CNTN6: variants seen among roughly 807,000 people sequenced by gnomAD.
CNTN6 encodes the protein contactin-6.
CNTN6 carries 137 observed loss-of-function variants against 122.8 expected under a neutral mutation model. That is an observed-to-expected ratio of 1.12 (90% CI 0.97 to 1.29). CNTN6 has a LOEUF of 1.29. CNTN6 is among the 50% of genes most tolerant of loss of function. The probability of loss-of-function intolerance (pLI) is 0.00; values close to 1 mark genes in which losing one functional copy is unlikely to be tolerated. For synonymous variants in CNTN6, 570 were observed against 426.0 expected (o/e 1.34, Z -4.16); for missense variants, 1,634 against 1,223.4 (o/e 1.34, Z -5.01).
chr3:1,192,697 A>G (rs756770959), intron 2 of CNTN6, among the ~76,000 whole-genome samples: 9 of 151,866 alleles, frequency 5.9e-5, no homozygotes, highest in Non-Finnish European at 1.0e-4. Flanking sequence ...AGCAATGACA[A>G]CCACACACAC....
At chr3:1,147,858 CA>C in intron 1 of CNTN6, 68 bp from the exon 2 acceptor site, 1 of 522,254 alleles carries the variant, frequency 1.9e-6, no homozygotes, top group Non-Finnish European at 3.5e-6. Flanking sequence ...TAATATGCAA[CA>C]AAAATATGCT....
At chr3:1,167,583 C>T (rs1377276904) in intron 2 of CNTN6, among the ~76,000 whole-genome samples, 1 of 107,980 alleles carries the variant, frequency 9.3e-6, no homozygotes. Context: ...TTTTAATCTC[C>T]CAGGTGATTA....
At chr3:1,105,693 A>T (rs1443228279) in intron 1 of CNTN6, among the ~76,000 whole-genome samples, 1 of 152,140 alleles carries the variant, frequency 6.6e-6, no homozygotes, top group Non-Finnish European at 1.5e-5. Flanking sequence ...CCCTAATTGC[A>T]CATCTGGTCA....
intron 1 of CNTN6, among the ~76,000 whole-genome samples, chr3:1,128,997 T>A (rs1447202942): frequency 2.6e-5 from 4 of 152,024 alleles, no homozygotes; most frequent in African/African-American, 9.7e-5. Context: ...TTTGCATAAT[T>A]TTTCTTTTTA....
intron 20 of CNTN6, among the ~76,000 whole-genome samples, chr3:1,400,898 T>C (rs1270046621): frequency 6.6e-6 from 1 of 152,132 alleles, no homozygotes; most frequent in Non-Finnish European, 1.5e-5. Flanking sequence ...CAGACTCTGC[T>C]GCAATCTGCC....
intron 11 of CNTN6, among the ~76,000 whole-genome samples, chr3:1,331,994 A>C (rs1702357053): frequency 6.6e-6 from 1 of 151,992 alleles, no homozygotes; most frequent in African/African-American, 2.4e-5. Context: ...ATATCAGCTC[A>C]GCATTGTCTC....
intron 4 of CNTN6, among the ~76,000 whole-genome samples, chr3:1,270,130 A>G (rs994851664): frequency 6.6e-6 from 1 of 152,216 alleles, no homozygotes; most frequent in African/African-American, 2.4e-5. Context: ...TATCATGAAC[A>G]CCATGACTGA....
At chr3:1,291,691 C>G (rs961755035) in intron 5 of CNTN6, among the ~76,000 whole-genome samples, 2 of 152,132 alleles carry the variant, frequency 1.3e-5, no homozygotes, top group African/African-American at 4.8e-5. Flanking sequence ...AATTTACTCT[C>G]TAGATGACTC....
chr3:1,384,257 GATT>G (rs754881521), intron 19 of CNTN6, among the ~76,000 whole-genome samples: 1 of 152,038 alleles, frequency 6.6e-6, no homozygotes, highest in East Asian at 1.9e-4. Flanking sequence ...GTGATCAGGT[GATT>G]ATATGATTAA....
chr3:1,231,294 G>T (rs2094349819), intron 4 of CNTN6, among the ~76,000 whole-genome samples: 1 of 152,162 alleles, frequency 6.6e-6, no homozygotes, highest in South Asian at 2.1e-4. Context: ...ATAAGAACAA[G>T]CTATGCATCA....
Position 1,383,022 on chromosome 3 carries a change from C to G in CNTN6, c.2247C>G (p.Ser749=), listed in dbSNP as rs961054143. Residue 749 remains serine, a synonymous_variant, in exon 18 of 23, where the codon TCC becomes TCG. Coordinates refer to ENST00000446702, the MANE Select transcript of CNTN6 (RefSeq NM_001289080.2). The part of the protein sequence containing the change: ...MFRPVGSTTW[S]KEKVSSVESS... ...GGCCAGTGGGCTCGACAACCTGGTCCAAGGAGAAAGTGTCATCTGTGGAAT... is the reference window on the plus strand; with the variant it reads ...GGCCAGTGGGCTCGACAACCTGGTCGAAGGAGAAAGTGTCATCTGTGGAAT... The G allele has an allele frequency of 4.3e-6, 7 of 1,614,048 alleles. No individual in the cohort carries two copies. In the Middle Eastern group the frequency reaches 5.0e-4, roughly 114 times the overall value.
intron 5 of CNTN6, among the ~76,000 whole-genome samples, chr3:1,285,425 T>C (rs913292579): frequency 3.3e-5 from 5 of 152,146 alleles, no homozygotes; most frequent in African/African-American, 7.2e-5. Context: ...GGTGAAAGTT[T>C]CTAGCAGGCA....
At chr3:1,357,163 AT>A (rs1375669642) in intron 12 of CNTN6, among the ~76,000 whole-genome samples, 2 of 151,786 alleles carry the variant, frequency 1.3e-5, no homozygotes, top group African/African-American at 4.8e-5. Flanking sequence ...TTTTCAAGAT[AT>A]TTTTACTGCA....
intron 1 of CNTN6, among the ~76,000 whole-genome samples, chr3:1,115,524 C>T (rs1024356219): frequency 2.0e-5 from 3 of 152,024 alleles, no homozygotes; most frequent in Non-Finnish European, 4.4e-5. Context: ...CCAAGGCAAG[C>T]GGATCACAAG....
rs57012485 is a variant in CNTN6, at chr3:1,106,521, TAC to T, written c.-83+13422_-83+13423del. Among the ~76,000 whole-genome samples the T allele has an allele frequency of 7.8e-3, 1,166 of 148,734 alleles. 15 individuals carry two copies. Among genetic ancestry groups the T allele is most frequent in the African/African-American group, 0.025 (1,028 of 40,976 alleles). On this transcript the variant is annotated intron_variant, in intron 1 of 22. Coordinates refer to ENST00000446702, the MANE Select transcript of CNTN6 (RefSeq NM_001289080.2). ...AACAAAGTGAGACCCCTGTCTGTAATACACACACACACACACACACACGCACA... is the reference window on the plus strand; with the variant it reads ...AACAAAGTGAGACCCCTGTCTGTAATACACACACACACACACACACGCACA...
At chr3:1,314,272 A>T (rs1388769719) in intron 7 of CNTN6, among the ~76,000 whole-genome samples, 1 of 152,078 alleles carries the variant, frequency 6.6e-6, no homozygotes, top group East Asian at 1.9e-4. Context: ...ACAGTCTGAA[A>T]ATGTAGCAAA....
At chr3:1,327,909 T>C (rs1559836160) in intron 10 of CNTN6, among the ~76,000 whole-genome samples, 1 of 151,702 alleles carries the variant, frequency 6.6e-6, no homozygotes, top group African/African-American at 2.4e-5. Context: ...TAAAAAGTAA[T>C]AAAAAAATCA....
rs567935967 is a variant in CNTN6, at chr3:1,240,894, T to C, written c.358+12901T>C. 2.6e-3 allele frequency among the ~76,000 whole-genome samples: 400 copies of C among 151,824 alleles called. 2 individuals carry two copies. Among genetic ancestry groups the C allele is most frequent in the African/African-American group, 9.2e-3 (378 of 41,288 alleles). On this transcript the variant is annotated intron_variant, in intron 4 of 22. Coordinates refer to ENST00000446702, the MANE Select transcript of CNTN6 (RefSeq NM_001289080.2). The stretch of plus-strand genomic sequence containing the variant: ...CAGTGAAGGGAGATAGGGGTGGGGC[T>C]GTTTTATAGGATTTGGGAAGGTGAT...
Position 1,210,754 on chromosome 3 carries a change from G to C in CNTN6, c.56-9933G>C, listed in dbSNP as rs2094025117. 2.0e-5 allele frequency among the ~76,000 whole-genome samples: 3 copies of C among 152,264 alleles called. No homozygotes were observed. The East Asian group carries it at 5.8e-4, about 29-fold the overall frequency. On this transcript the variant is annotated intron_variant, in intron 2 of 22. Transcript: ENST00000446702. Reference sequence around the variant, plus strand: ...TTAGTCAGGTTCAACTACATCATTTGCAGACCCCAGTACAAAAGGAACATG... The same window carrying C: ...TTAGTCAGGTTCAACTACATCATTTCCAGACCCCAGTACAAAAGGAACATG...
Sources: gnomAD v4.1 joint callset for allele counts (sites outside exome capture counted in the v4.1 genomes callset) on GRCh38, gnomAD v4.1.1 for gene constraint, MANE v1.5 for transcripts, NCBI Gene and HGNC (gene_info 2026-07-23, HGNC 2026-07-21) for gene names.